Variants in CDH9 observed in about 807,000 individuals in gnomAD.
CDH9 encodes the protein cadherin 9, also known as cadherin-9.
CDH9 carries 28 observed loss-of-function variants against 70.9 expected under a neutral mutation model. That is an observed-to-expected ratio of 0.40 (90% CI 0.29 to 0.54). The LOEUF (loss-of-function observed/expected upper bound fraction) is 0.54, where lower values mean the gene tolerates loss of function less well. Among genes scored for constraint, CDH9 ranks in the 20% least tolerant of loss-of-function variants. The probability of loss-of-function intolerance (pLI) is 0.59; values close to 1 mark genes in which losing one functional copy is unlikely to be tolerated. For missense variants in CDH9, 874 were observed against 984.4 expected, an observed-to-expected ratio of 0.89 and a Z score of 1.50; for synonymous variants, 409 against 343.1, an observed-to-expected ratio of 1.19 and a Z score of -2.12.
intron 11 of CDH9, 56 bp from the exon 12 acceptor site, chr5:26,881,679 T>C: frequency 6.7e-7 from 1 of 1,484,746 alleles, no homozygotes; most frequent in Non-Finnish European, 9.1e-7. Flanking sequence ...TAAAATAGAG[T>C]ACACTTCTGA....
rs1579451164 is a variant in CDH9, at chr5:26,919,825, A to G, written c.229-3901T>C. ...CTACTATCCTTAAGGGAAGAATCCA[A>G]TTCTGGCAGGACTCATCATCTGCTG... On this transcript the variant is annotated intron_variant, in intron 2 of 11. Transcript: ENST00000231021. 2.0e-5 allele frequency among the ~76,000 whole-genome samples: 3 copies of G among 152,070 alleles called. No homozygotes were observed. The East Asian group carries it at 5.8e-4, about 30-fold the overall frequency.
chr5:26,974,823 T>C (rs917567012), intron 2 of CDH9, among the ~76,000 whole-genome samples: 50 of 151,956 alleles, frequency 3.3e-4, no homozygotes, highest in Middle Eastern at 3.4e-3. Context: ...TTTGTGTGTG[T>C]GTGTGTGTGC....
At chr5:26,893,031 C>G (rs1184263855) in intron 7 of CDH9, among the ~76,000 whole-genome samples, 2 of 152,038 alleles carry the variant, frequency 1.3e-5, no homozygotes, top group African/African-American at 4.8e-5. Context: ...CCACACCCTG[C>G]CAGTATTGGC....
chr5:26,881,091 C>T lies in CDH9; in HGVS notation c.*45G>A, dbSNP rs746843552. On this transcript the variant is annotated 3_prime_UTR_variant, in exon 12 of 12. Transcript: ENST00000231021. Reference sequence around the variant, plus strand: ...GAATGCAGGCCACTCAATCTAATAACATAGACAGTACTTCCACTAATATTG... The same window carrying T: ...GAATGCAGGCCACTCAATCTAATAATATAGACAGTACTTCCACTAATATTG... 14 of 1,521,610 alleles carry T rather than the reference C, an allele frequency of 9.2e-6. No individual in the cohort carries two copies. The highest frequency in any genetic ancestry group is 1.2e-5 in the Non-Finnish European group (14 of 1,127,934). 94.3% of individuals were successfully genotyped at this position (1,521,610 alleles called of 1,614,324 possible). A position where few individuals can be genotyped will look rare whatever the true frequency, so the allele number is the denominator to read the frequency against.
chr5:26,936,582 T>G (rs1325837154), intron 2 of CDH9, among the ~76,000 whole-genome samples: 1 of 152,058 alleles, frequency 6.6e-6, no homozygotes, highest in African/African-American at 2.4e-5. Context: ...AAATTCAGAA[T>G]AGCCAACATA....
chr5:27,030,533 A>G (rs1335258414), intron 1 of CDH9, among the ~76,000 whole-genome samples: 3 of 151,746 alleles, frequency 2.0e-5, no homozygotes, highest in African/African-American at 7.2e-5. Flanking sequence ...GATTAAAAAA[A>G]AAAAAAAGCT....
At chr5:27,035,910 TTATC>T (rs1458593665) in intron 1 of CDH9, among the ~76,000 whole-genome samples, 2 of 151,816 alleles carry the variant, frequency 1.3e-5, no homozygotes, top group Admixed American at 1.3e-4. Context: ...TATTGAATAA[TTATC>T]TATCTAGACT....
At chr5:27,009,520 G>T (rs1247093513) in intron 1 of CDH9, among the ~76,000 whole-genome samples, 2 of 152,040 alleles carry the variant, frequency 1.3e-5, no homozygotes, top group African/African-American at 4.8e-5. Flanking sequence ...GCTAAGAGGG[G>T]CTCCCCTATC....
intron 2 of CDH9, 30 bp downstream of exon 2, chr5:26,988,076 C>A (rs1422519514): frequency 1.3e-6 from 2 of 1,520,584 alleles, no homozygotes; most frequent in Admixed American, 1.8e-5. Flanking sequence ...TCACTTTCAG[C>A]TTTTAGATTT....
chr5:26,897,851 G>A (rs1038661885), intron 7 of CDH9, among the ~76,000 whole-genome samples: 6 of 152,076 alleles, frequency 3.9e-5, no homozygotes, highest in Non-Finnish European at 5.9e-5. Context: ...AGAAATAAAG[G>A]GTATTCAAGT....
intron 11 of CDH9, 135 bp from the exon 12 acceptor site, chr5:26,881,758 A>G (rs1579658426): frequency 9.5e-6 from 7 of 738,572 alleles, no homozygotes; most frequent in Admixed American, 3.0e-5. Context: ...ACCCTGTACA[A>G]ATACAGAGTT....
At chr5:26,966,479 A>G (rs566299027) in intron 2 of CDH9, among the ~76,000 whole-genome samples, 1 of 152,322 alleles carries the variant, frequency 6.6e-6, no homozygotes, top group South Asian at 2.1e-4. Context: ...TTTGCAAATA[A>G]TAAAAATACT....
chr5:26,906,806 C>G lies in CDH9; in HGVS notation c.556G>C (p.Ala186Pro). Residue 186 changes from alanine (A) to proline (P), a missense_variant, in exon 4 of 12, where the codon GCA becomes CCA. Transcript: ENST00000231021. Reference sequence around the variant, plus strand: ...CTATTTCCATAGTTGGCGTCATCTGCATCTGTTGCAGTTACTTGTATAACA... The same window carrying G: ...CTATTTCCATAGTTGGCGTCATCTGGATCTGTTGCAGTTACTTGTATAACA... The part of the protein sequence containing the change: ...TSVIQVTATD[A>P]DDANYGNSAK... The G allele has an allele frequency of 6.2e-7, 1 of 1,613,130 alleles. No homozygotes were observed. The highest frequency in any genetic ancestry group is 8.5e-7 in the Non-Finnish European group (1 of 1,179,444).
At chr5:26,897,136 G>A (rs1247183812) in intron 7 of CDH9, among the ~76,000 whole-genome samples, 1 of 151,938 alleles carries the variant, frequency 6.6e-6, no homozygotes, top group Non-Finnish European at 1.5e-5. Context: ...TTGAATCCCT[G>A]AATAGACCAA....
chr5:27,035,782 C>T (rs147333664), intron 1 of CDH9, among the ~76,000 whole-genome samples: 9 of 150,578 alleles, frequency 6.0e-5, no homozygotes, highest in African/African-American at 2.2e-4. Context: ...TTTAAGATAT[C>T]TTTTTTCTAA....
intron 2 of CDH9, among the ~76,000 whole-genome samples, chr5:26,958,444 C>T (rs982316685): frequency 5.3e-5 from 8 of 152,172 alleles, no homozygotes; most frequent in Admixed American, 3.9e-4. Context: ...TCTCTGCGTG[C>T]CTCCTGAGAT....
chr5:26,925,954 A>G (rs1305598858), intron 2 of CDH9, among the ~76,000 whole-genome samples: 1 of 152,122 alleles, frequency 6.6e-6, no homozygotes, highest in East Asian at 1.9e-4. Flanking sequence ...AAATAATAAG[A>G]GCTATTTATG....
At chr5:26,969,451 A>G (rs1007690365) in intron 2 of CDH9, among the ~76,000 whole-genome samples, 1 of 152,124 alleles carries the variant, frequency 6.6e-6, no homozygotes. Flanking sequence ...AAATCTGTTC[A>G]TATGTTAATT....
intron 1 of CDH9, among the ~76,000 whole-genome samples, chr5:27,029,338 T>C (rs1743273118): frequency 6.6e-6 from 1 of 151,984 alleles, no homozygotes; most frequent in Admixed American, 6.6e-5. Context: ...ATTGGAGTAA[T>C]GTGGGATGTT....
Sources: allele counts gnomAD v4.1 joint callset (sites outside exome capture counted in the v4.1 genomes callset), GRCh38; gene constraint gnomAD v4.1.1; transcripts MANE v1.5; gene names NCBI Gene and HGNC (gene_info 2026-07-23, HGNC 2026-07-21).